The following ANO2 variants were observed in gnomAD, a reference collection of about 807,000 sequenced individuals.
The protein encoded by ANO2 is anoctamin-2.
In ANO2, 101 loss-of-function variants were observed where a neutral mutation model predicts 124.2. The ratio of observed to expected loss-of-function variants is 0.81; its 90% CI spans 0.69 to 0.96. The LOEUF is 0.96. ANO2 is among the 40% of genes least tolerant of loss of function. The probability of loss-of-function intolerance (pLI) is 0.00; values close to 1 mark genes in which losing one functional copy is unlikely to be tolerated. For synonymous variants in ANO2, 486 were observed against 482.5 expected, an observed-to-expected ratio of 1.01 and a Z score of -0.09; for missense variants, 1,293 against 1,274.5, an observed-to-expected ratio of 1.01 and a Z score of -0.22.
chr12:5,608,545 A>G (rs755385327), intron 19 of ANO2, among the ~76,000 whole-genome samples: 4 of 152,094 alleles, frequency 2.6e-5, no homozygotes, highest in Non-Finnish European at 5.9e-5. Flanking sequence ...AGGGTGTTAG[A>G]GCTTGAAGAC....
rs115717645 is a variant in ANO2, at chr12:5,621,678, C to A, written c.1817-6381G>T. On this transcript the variant is annotated intron_variant, in intron 16 of 24. Transcript: ENST00000682330. ...TCAATCATGATTCCTTGAAATTGTT[C>A]TGGATTCACTCTTGGGGGACTGCTG... Among the ~76,000 whole-genome samples the A allele has an allele frequency of 5.4e-3, 822 of 152,234 alleles. 12 individuals carry two copies. The highest frequency in any genetic ancestry group is 0.017 in the African/African-American group (707 of 41,550).
chr12:5,857,240 AG>A (rs901088377), intron 3 of ANO2, among the ~76,000 whole-genome samples: 2 of 152,202 alleles, frequency 1.3e-5, no homozygotes, highest in Non-Finnish European at 2.9e-5. Flanking sequence ...GGGTTCTTTT[AG>A]GCATAGTAGG....
intron 3 of ANO2, among the ~76,000 whole-genome samples, chr12:5,896,528 C>G (rs1463162176): frequency 6.6e-6 from 1 of 152,104 alleles, no homozygotes; most frequent in African/African-American, 2.4e-5. Flanking sequence ...TTAAGCCCCA[C>G]CTTCTAGATG....
At chr12:5,584,271 T>C (rs2136855871) in intron 20 of ANO2, among the ~76,000 whole-genome samples, 1 of 152,188 alleles carries the variant, frequency 6.6e-6, no homozygotes, top group South Asian at 2.1e-4. Context: ...GGGACTCCTG[T>C]GTGCACCAAC....
In ANO2 at chr12:5,827,773, C is replaced by G. The variant is rs201073269; in HGVS notation, c.888G>C (p.Thr296=). The G allele has an allele frequency of 1.9e-5, 30 of 1,611,044 alleles. No individual in the cohort carries two copies. The highest frequency in any genetic ancestry group is 1.7e-4 in the Middle Eastern group (1 of 6,058). ...CCCGCGGGCTGGGGTCCTTACCCAT[C>G]GTGTTGTTGGCTCGGGAGCAGGCTG... ...KRTACSRANN[T]MGINSLIANN... is the part of the protein sequence containing the mutation. The change falls in exon 7 of 25, where the codon ACG becomes ACC. Residue 296 remains threonine, a synonymous_variant. Transcript: ENST00000682330.
At position 5,600,062 on chromosome 12, in the gene ANO2, A is replaced by G. The variant is rs181010659; in HGVS notation, c.2088-433T>C. On this transcript the variant is annotated intron_variant, in intron 19 of 24. Coordinates refer to ENST00000682330, the MANE Select transcript of ANO2 (RefSeq NM_001364791.2). Reference sequence around the variant, plus strand: ...ACATTAATAGCATCATCTTTCCATTAAAACCAAGCTAAACATTGCCCACCA... The same window carrying G: ...ACATTAATAGCATCATCTTTCCATTGAAACCAAGCTAAACATTGCCCACCA... 3.3e-5 allele frequency among the ~76,000 whole-genome samples: 5 copies of G among 152,336 alleles called. No individual in the cohort carries two copies. In the East Asian group the frequency reaches 9.6e-4, roughly 29 times the overall value.
chr12:5,861,214 C>T (rs1955256685), intron 3 of ANO2, among the ~76,000 whole-genome samples: 1 of 152,144 alleles, frequency 6.6e-6, no homozygotes, highest in Non-Finnish European at 1.5e-5. Context: ...ATCCAGGTCT[C>T]CTGGCACCAG....
At chr12:5,707,421 A>T (rs377608432) in intron 14 of ANO2, among the ~76,000 whole-genome samples, 17 of 152,346 alleles carry the variant, frequency 1.1e-4, no homozygotes, top group African/African-American at 4.1e-4. Context: ...TACAATTTAC[A>T]TAATTCCTTT....
intron 3 of ANO2, among the ~76,000 whole-genome samples, chr12:5,868,408 C>T (rs900547629): frequency 6.6e-6 from 1 of 152,022 alleles, no homozygotes; most frequent in Non-Finnish European, 1.5e-5. Flanking sequence ...GAGTCTCAGC[C>T]TCCTTTCTGA....
chr12:5,566,763 G>A (rs543900658), intron 23 of ANO2, among the ~76,000 whole-genome samples: 1 of 152,348 alleles, frequency 6.6e-6, no homozygotes, highest in Admixed American at 6.5e-5. Context: ...TGGAGAAGTT[G>A]AAGTGTGTGG....
intron 3 of ANO2, among the ~76,000 whole-genome samples, chr12:5,920,050 T>C (rs184719229): frequency 1.4e-5 from 2 of 144,124 alleles, no homozygotes; most frequent in Non-Finnish European, 3.1e-5. Context: ...GATGGATGGA[T>C]GGATGGATGG....
chr12:5,854,049 G>T lies in ANO2; in HGVS notation c.627C>A (p.Thr209=). Residue 209 remains threonine (T), a synonymous_variant, in exon 4 of 25, where the codon ACC becomes ACA. Transcript: ENST00000682330. ...AGGAGAAACATGCTCATACTTTCTT[G>T]GTAGGAACTTTGATCTTCAAGAATT... is the stretch of plus-strand genomic sequence containing the variant. ...EAEFLKIKVP[T]KKMYEIKAGG... is the part of the protein sequence containing the mutation. The T allele has an allele frequency of 6.2e-7, 1 of 1,612,864 alleles. No individual in the cohort carries two copies. Among genetic ancestry groups the T allele is most frequent in the South Asian group, 1.1e-5 (1 of 91,052 alleles).
intron 7 of ANO2, among the ~76,000 whole-genome samples, chr12:5,813,610 A>G (rs1369524582): frequency 1.3e-5 from 2 of 152,012 alleles, no homozygotes; most frequent in Non-Finnish European, 2.9e-5. Context: ...ATCCTCACCA[A>G]CTGCTCTGGA....
intron 7 of ANO2, among the ~76,000 whole-genome samples, chr12:5,823,753 C>T (rs149469315): frequency 3.3e-5 from 5 of 152,350 alleles, no homozygotes; most frequent in African/African-American, 9.6e-5. Context: ...AGCTTCAACC[C>T]CACATTTCCC....
intron 7 of ANO2, among the ~76,000 whole-genome samples, chr12:5,815,177 C>T (rs1953565037): frequency 6.6e-6 from 1 of 152,148 alleles, no homozygotes; most frequent in African/African-American, 2.4e-5. Flanking sequence ...ATGCGATGTC[C>T]CTTTTCCACA....
At chr12:5,767,272 G>T (rs541562565) in intron 10 of ANO2, among the ~76,000 whole-genome samples, 24 of 152,300 alleles carry the variant, frequency 1.6e-4, no homozygotes, top group African/African-American at 5.5e-4. Context: ...AAAGTTCCGA[G>T]GCTTTAATTA....
At chr12:5,626,809 G>C (rs1443775492) in intron 16 of ANO2, among the ~76,000 whole-genome samples, 1 of 152,190 alleles carries the variant, frequency 6.6e-6, no homozygotes, top group Non-Finnish European at 1.5e-5. Context: ...GGAGCATCAG[G>C]GAGAAGCAGA....
intron 10 of ANO2, among the ~76,000 whole-genome samples, chr12:5,764,305 G>A (rs1951818278): frequency 6.6e-6 from 1 of 152,198 alleles, no homozygotes. Flanking sequence ...TACAGTAATA[G>A]CAGCAATAGT....
At chr12:5,719,181 A>C (rs1950128537) in intron 14 of ANO2, among the ~76,000 whole-genome samples, 1 of 152,220 alleles carries the variant, frequency 6.6e-6, no homozygotes, top group South Asian at 2.1e-4. Context: ...TTTTGAGTCC[A>C]ACTTCCAACT....
Sources: allele counts gnomAD v4.1 joint callset (sites outside exome capture counted in the v4.1 genomes callset), GRCh38; gene constraint gnomAD v4.1.1; transcripts MANE v1.5; gene names NCBI Gene and HGNC (gene_info 2026-07-23, HGNC 2026-07-21).